EGFR: variants seen among roughly 807,000 people sequenced by gnomAD.
EGFR encodes avian erythroblastic leukemia viral (v-erb-b) oncogene homolog.
EGFR carries 58 observed loss-of-function variants against 143.0 expected under a neutral mutation model. The ratio of observed to expected loss-of-function variants is 0.41; its 90% CI spans 0.33 to 0.50. EGFR has a LOEUF of 0.50. Among genes scored for constraint, EGFR ranks in the 20% least tolerant of loss-of-function variants. The pLI, the probability that EGFR is intolerant of heterozygous loss-of-function variation, is 0.39. For synonymous variants in EGFR, 613 were observed against 594.4 expected (o/e 1.03, Z -0.45); for missense variants, 1,307 against 1,579.0 (o/e 0.83, Z 2.92).
intron 1 of EGFR, among the ~76,000 whole-genome samples, chr7:55,021,270 C>T (rs1266634731): frequency 6.6e-6 from 1 of 152,208 alleles, no homozygotes; most frequent in Non-Finnish European, 1.5e-5. Flanking sequence ...CGCGGGCCTG[C>T]TCCGGAGACT....
At position 55,202,478 on chromosome 7, in the gene EGFR, G is replaced by A. The variant is rs549572316; in HGVS notation, c.3163-39G>A. 2.1e-5 allele frequency: 33 copies of A among 1,540,090 alleles called. No homozygotes were observed. In the East Asian group the frequency reaches 6.0e-4, roughly 28 times the overall value. On this transcript the variant is annotated intron_variant, in intron 26 of 27. Coordinates refer to ENST00000275493, the MANE Select transcript of EGFR (RefSeq NM_005228.5). ...TTTTGCAAACACTGAAGTTGGGGCAGCCCTGACCGGAGTAACCTTCCCTCA... is the reference window on the plus strand; with the variant it reads ...TTTTGCAAACACTGAAGTTGGGGCAACCCTGACCGGAGTAACCTTCCCTCA...
chr7:55,129,151 G>A (rs2128918925), intron 1 of EGFR, among the ~76,000 whole-genome samples: 1 of 152,362 alleles, frequency 6.6e-6, no homozygotes, highest in South Asian at 2.1e-4. Flanking sequence ...TCAAGTGTGA[G>A]TGAGTGCTCA....
chr7:55,173,734 C>A (rs983510711), intron 17 of EGFR, among the ~76,000 whole-genome samples, 187 bp from the exon 18 acceptor site: 1 of 152,244 alleles, frequency 6.6e-6, no homozygotes, highest in Non-Finnish European at 1.5e-5. Context: ...TGTGTTTCTA[C>A]CAACTTCTGT....
intron 7 of EGFR, among the ~76,000 whole-genome samples, chr7:55,154,834 GA>G (rs967941909): frequency 9.3e-5 from 14 of 150,134 alleles, no homozygotes; most frequent in South Asian, 2.1e-4. Context: ...GATTAACTGA[GA>G]AAAAAAATTG....
At chr7:55,081,232 A>G (rs566559540) in intron 1 of EGFR, among the ~76,000 whole-genome samples, 1 of 152,364 alleles carries the variant, frequency 6.6e-6, no homozygotes, top group East Asian at 1.9e-4. Context: ...GCAATTATCA[A>G]TCATGGACTT....
chr7:55,036,268 GT>G (rs1562656973), intron 1 of EGFR, among the ~76,000 whole-genome samples: 15 of 40,054 alleles, frequency 3.7e-4, no homozygotes, highest in South Asian at 1.3e-3. Flanking sequence ...GTTTGTGTGT[GT>G]GTGGGGGGGG....
chr7:55,019,880 C>T (rs894755387), intron 1 of EGFR, among the ~76,000 whole-genome samples: 1 of 152,324 alleles, frequency 6.6e-6, no homozygotes, highest in South Asian at 2.1e-4. Flanking sequence ...ACAGCCTCCC[C>T]TCGGACCCCG....
At chr7:55,139,765 G>A (rs760125858) in intron 1 of EGFR, among the ~76,000 whole-genome samples, 2 of 152,062 alleles carry the variant, frequency 1.3e-5, no homozygotes, top group Admixed American at 6.5e-5. Flanking sequence ...CTCAGAATAC[G>A]TTTCCCAAAG....
At chr7:55,134,110 TGTCCCC>T (rs1318834989) in intron 1 of EGFR, among the ~76,000 whole-genome samples, 1 of 152,168 alleles carries the variant, frequency 6.6e-6, no homozygotes, top group Non-Finnish European at 1.5e-5. Context: ...CTTTCTCCAA[TGTCCCC>T]TGCTCAGGAG....
At chr7:55,177,885 G>A (rs966455897) in intron 19 of EGFR, among the ~76,000 whole-genome samples, 1 of 152,234 alleles carries the variant, frequency 6.6e-6, no homozygotes. Flanking sequence ...AAGACAAACA[G>A]CCGAGAACAA....
chr7:55,182,243 A>C (rs1243599196), intron 20 of EGFR: 2 of 152,710 alleles, frequency 1.3e-5, no homozygotes, highest in Non-Finnish European at 2.9e-5. Flanking sequence ...CATTGACTTT[A>C]AAGGATTTGC....
At chr7:55,175,887 G>A (rs768589465) in intron 19 of EGFR, among the ~76,000 whole-genome samples, 5 of 152,000 alleles carry the variant, frequency 3.3e-5, no homozygotes, top group Non-Finnish European at 7.4e-5. Flanking sequence ...ATTATAGTAG[G>A]GGAAATCCCA....
At chr7:55,036,415 C>T (rs1289063931) in intron 1 of EGFR, among the ~76,000 whole-genome samples, 1 of 151,964 alleles carries the variant, frequency 6.6e-6, no homozygotes, top group Non-Finnish European at 1.5e-5. Flanking sequence ...CCATGTTGCC[C>T]GTTTCAGGTG....
intron 1 of EGFR, among the ~76,000 whole-genome samples, chr7:55,038,779 A>G (rs955985835): frequency 2.6e-5 from 4 of 152,072 alleles, no homozygotes; most frequent in Non-Finnish European, 5.9e-5. Context: ...TCACCTTGCA[A>G]TATTATTATT....
chr7:55,136,672 G>A (rs548511606), intron 1 of EGFR, among the ~76,000 whole-genome samples: 1 of 152,282 alleles, frequency 6.6e-6, no homozygotes, highest in Admixed American at 6.5e-5. Context: ...CACATTCAAT[G>A]GAAACCATAC....
At chr7:55,118,197 C>T (rs980653) in intron 1 of EGFR, among the ~76,000 whole-genome samples, 18,434 of 152,160 alleles carry the variant, frequency 0.12, 1,547 homozygotes, top group Admixed American at 0.21. Context: ...TTGGAGGACA[C>T]AGTCTGTTGC....
intron 1 of EGFR, among the ~76,000 whole-genome samples, chr7:55,126,682 TAATTCTAGTGGGATTGAATCTC>T (rs1793541047): frequency 6.6e-6 from 1 of 152,240 alleles, no homozygotes; most frequent in African/African-American, 2.4e-5. Context: ...AAAAGGGATT[TAATTCTAGTGGGATTGAATCTC>T]AATAGTTTCC....
intron 1 of EGFR, among the ~76,000 whole-genome samples, chr7:55,050,181 T>C (rs1788407267): frequency 6.6e-6 from 1 of 152,196 alleles, no homozygotes; most frequent in Admixed American, 6.5e-5. Context: ...TAAACACCAT[T>C]CATCTCCAGA....
chr7:55,034,533 C>G (rs1051771273), intron 1 of EGFR, among the ~76,000 whole-genome samples: 2 of 152,178 alleles, frequency 1.3e-5, no homozygotes, highest in Admixed American at 6.5e-5. Flanking sequence ...AGTACACACC[C>G]ACACCCAAGG....
Sources: allele counts gnomAD v4.1 joint callset (sites outside exome capture counted in the v4.1 genomes callset), GRCh38; gene constraint gnomAD v4.1.1; transcripts MANE v1.5; gene names NCBI Gene and HGNC (gene_info 2026-07-23, HGNC 2026-07-21).